Variants in PIF1 observed in about 807,000 individuals in gnomAD.
PIF1 encodes the protein PIF1 5'-to-3' DNA helicase.
A neutral mutation model predicts 62.3 loss-of-function variants in PIF1; 67 were observed. The observed-to-expected ratio is 1.08, with a 90% confidence interval of 0.88 to 1.32. The LOEUF (loss-of-function observed/expected upper bound fraction) is 1.32. PIF1 is among the 40% of genes most tolerant of loss of function. The pLI is 0.00. For missense variants in PIF1, 886 were observed against 866.1 expected, an observed-to-expected ratio of 1.02 and a Z score of -0.29; for synonymous variants, 364 against 379.5, an observed-to-expected ratio of 0.96 and a Z score of 0.47.
At chr15:64,826,672 A>C (rs2084375156), upstream of PIF1, among the ~76,000 whole-genome samples, 1 of 125,260 alleles carries the variant, frequency 8.0e-6, no homozygotes, top group African/African-American at 3.1e-5. Context: ...ATATACACAC[A>C]CACACACATA....
chr15:64,819,756 G>T, intron 8 of PIF1, 91 bp downstream of exon 8: 1 of 1,557,120 alleles, frequency 6.4e-7, no homozygotes, highest in Non-Finnish European at 8.7e-7. Flanking sequence ...GAGGTTGGGG[G>T]CCTAGGACCC....
intron 7 of PIF1, among the ~76,000 whole-genome samples, chr15:64,820,587 G>A (rs539628658): frequency 6.6e-6 from 1 of 152,258 alleles, no homozygotes; most frequent in Non-Finnish European, 1.5e-5. Context: ...AGTAGAGACT[G>A]GGTTTCACCA....
At chr15:64,818,765 A>C in intron 9 of PIF1, 3 of 301,018 alleles carry the variant, frequency 1.0e-5, no homozygotes, top group Non-Finnish European at 1.8e-5. Flanking sequence ...CCCACCCCCA[A>C]CATTGAGGGA....
rs1316779374 is a variant in PIF1 at position 64,821,538 on chromosome 15, C to T, written c.818-18G>A. 6 of 1,555,340 alleles carry T rather than the reference C, an allele frequency of 3.9e-6. No homozygotes were observed. Among genetic ancestry groups the T allele is most frequent in the Non-Finnish European group, 5.2e-6 (6 of 1,150,818 alleles). On this transcript the variant is annotated intron_variant, in intron 4 of 12. Coordinates refer to ENST00000559239, the MANE Select transcript of PIF1 (RefSeq NM_001286496.2). ...GCCGATGCCTGTGAGTGACACTATT[C>T]AGCCTGGGCTAATACCCAAAGCCTC...
At chr15:64,820,713 C>T (rs573620738) in intron 7 of PIF1, among the ~76,000 whole-genome samples, 52 of 152,218 alleles carry the variant, frequency 3.4e-4, no homozygotes, top group African/African-American at 1.3e-3. Flanking sequence ...CTACTTTATG[C>T]CAGGCCTTGT....
intron 1 of PIF1, 122 bp from the exon 2 acceptor site, chr15:64,824,476 C>G (rs896498650): frequency 5.1e-6 from 3 of 584,270 alleles, no homozygotes. Flanking sequence ...CACAAGATCA[C>G]GAGGACTGTC....
Position 64,824,329 on chromosome 15 carries a change from A to G in PIF1, c.7T>C (p.Ser3Pro). The G allele has an allele frequency of 1.6e-6, 2 of 1,252,938 alleles. No individual in the cohort carries two copies. Among genetic ancestry groups the G allele is most frequent in the Non-Finnish European group, 2.0e-6 (2 of 997,604 alleles). The allele number at this position is 1,252,938 out of a possible 1,614,324, so 77.6% of individuals were successfully genotyped here. The change falls in exon 2 of 13, where the codon TCG (serine) becomes CCG (proline). Residue 3 changes from serine (S) to proline (P), a missense_variant. Ser to Pro is a moderately conservative substitution (Grantham distance 74, BLOSUM62 -1). Transcript: ENST00000559239. The stretch of plus-strand genomic sequence containing the variant: ...TCCCCTGCCGCCGCCTCTATGCCCG[A>G]GAGCATCGTCACCGCCTCTGCTGGT... ML[S>P]GIEAAAGEYE...
Position 64,823,914 on chromosome 15 carries a change from C to A in PIF1, c.422G>T (p.Gly141Val). 3 of 1,351,804 alleles carry A rather than the reference C, an allele frequency of 2.2e-6. No individual in the cohort carries two copies. The highest frequency in any genetic ancestry group is 2.9e-6 in the Non-Finnish European group (3 of 1,044,898). The allele number at this position is 1,351,804 out of a possible 1,614,324, so 83.7% of individuals were successfully genotyped here. ...GGTGACGAAGTCGCGGGGCCGCGGG[C>A]CCAGCAGCTGCGCTCGGGCGGAGGC... ...GPASARAQLL[G>V]PRPRDFVTIS... The change falls in exon 2 of 13, where the codon GGC (glycine) becomes GTC (valine). Residue 141 changes from glycine (G) to valine (V), a missense_variant. Physicochemically the swap from Gly to Val is moderately radical, Grantham distance 109. Coordinates refer to ENST00000559239, the MANE Select transcript of PIF1 (RefSeq NM_001286496.2).
chr15:64,820,951 C>A, intron 7 of PIF1, 31 bp downstream of exon 7: 1 of 1,591,232 alleles, frequency 6.3e-7, no homozygotes, highest in Non-Finnish European at 8.6e-7. Context: ...ATCCTCATCC[C>A]ATAGCCCCTT....
rs560763118 is a variant in PIF1 at position 64,819,989 on chromosome 15, G to C, written c.1194-3C>G. 1 of 1,613,052 alleles carries C rather than the reference G, an allele frequency of 6.2e-7. No individual in the cohort carries two copies. Among genetic ancestry groups the C allele is most frequent in the African/African-American group, 1.3e-5 (1 of 74,944 alleles). ...GGCGGGTCACCTCATCTGAACACCT[G>C]TTGGGGCTGGACTGTCAGGGCAGAG... On this transcript the variant is annotated splice_region_variant and splice_polypyrimidine_tract_variant and intron_variant, in intron 7 of 12. Coordinates refer to ENST00000559239, the MANE Select transcript of PIF1 (RefSeq NM_001286496.2).
chr15:64,822,318 G>T lies in PIF1; in HGVS notation c.765C>A (p.Ser255Arg), dbSNP rs1411858680. Residue 255 changes from serine (S) to arginine (R), a missense_variant, in exon 4 of 13, where the codon AGC (serine) becomes AGA (arginine). Transcript: ENST00000559239. ...CGATGTGGCAGGCTGCCACCCCAGT[G>T]CTGGCAGTGGCCACAGTGCCTGTGG... ...LPPTGTVATASTGVAACHIGG... is the reference protein window; with the variant it reads ...LPPTGTVATARTGVAACHIGG... The T allele has an allele frequency of 1.9e-6, 3 of 1,613,712 alleles. No individual in the cohort carries two copies. In the East Asian group the frequency reaches 6.7e-5, roughly 36 times the overall value.
In PIF1 at chr15:64,819,905, G is replaced by A. The variant is rs769057280; in HGVS notation, c.1275C>T (p.Leu425=). 2 of 1,614,134 alleles carry A rather than the reference G, an allele frequency of 1.2e-6. No individual in the cohort carries two copies. ...GGGCCACATCATCCTGGTGGGTGCA[G>A]AGCCTCGTGGCCACAATCCCATCTC... ...VGRDGIVATR[L]CTHQDDVALT... Residue 425 remains leucine, a synonymous_variant, in exon 8 of 13, where the codon CTC becomes CTT. Transcript: ENST00000559239.
At chr15:64,818,154 G>C in intron 10 of PIF1, 63 bp from the exon 11 acceptor site, 1 of 1,611,272 alleles carries the variant, frequency 6.2e-7, no homozygotes, top group East Asian at 2.2e-5. Flanking sequence ...TGAGGAGCAG[G>C]GGCCTTTGGA....
At position 64,815,886 on chromosome 15, in the gene PIF1, C is replaced by G. The variant is rs1186006292; in HGVS notation, c.*412G>C. 1 of 1,550,624 alleles carries G rather than the reference C, an allele frequency of 6.4e-7. No homozygotes were observed. Among genetic ancestry groups the G allele is most frequent in the Non-Finnish European group, 8.7e-7 (1 of 1,146,994 alleles). On this transcript the variant is annotated 3_prime_UTR_variant, in exon 13 of 13. Coordinates refer to ENST00000559239, the MANE Select transcript of PIF1 (RefSeq NM_001286496.2). ...CACCCAGCCTGAGTCCCCACCAGTC[C>G]CCTCCAAGAGCCCTGATGCTGCTTC... is the stretch of plus-strand genomic sequence containing the variant.
chr15:64,818,623 G>T (rs2084232401), intron 9 of PIF1: 1 of 448,278 alleles, frequency 2.2e-6, no homozygotes, highest in African/African-American at 2.0e-5. Context: ...ACAGGGCTTT[G>T]AAAATGATTG....
intron 8 of PIF1, 151 bp downstream of exon 8, chr15:64,819,696 C>T: frequency 1.9e-6 from 2 of 1,028,462 alleles, no homozygotes; most frequent in Admixed American, 4.9e-5. Flanking sequence ...TTCATCACAC[C>T]TCTCAAAGTC....
intron 4 of PIF1, 37 bp downstream of exon 4, chr15:64,822,229 C>A (rs1436180021): frequency 6.3e-7 from 1 of 1,588,684 alleles, no homozygotes; most frequent in Non-Finnish European, 8.5e-7. Context: ...AGAAGCTGGG[C>A]TTGCTCTTAG....
In PIF1 at chr15:64,823,941, G is replaced by C; in HGVS notation, c.395C>G (p.Pro132Arg). Residue 132 changes from proline (P) to arginine (R), a missense_variant, in exon 2 of 13, where the codon CCG becomes CGG. Transcript: ENST00000559239. Reference protein sequence around the residue: ...LKLAAAPGPGPASARAQLLGP... With the variant: ...LKLAAAPGPGRASARAQLLGP... ...CAGCAGCTGCGCTCGGGCGGAGGCCGGCCCGGGACCCGGGGCCGCAGCCAG... is the reference window on the plus strand; with the variant it reads ...CAGCAGCTGCGCTCGGGCGGAGGCCCGCCCGGGACCCGGGGCCGCAGCCAG... 2 of 1,313,330 alleles carry C rather than the reference G, an allele frequency of 1.5e-6. No homozygotes were observed. The highest frequency in any genetic ancestry group is 1.9e-6 in the Non-Finnish European group (2 of 1,027,190). 81.4% of individuals were successfully genotyped at this position (1,313,330 alleles called of 1,614,324 possible).
In PIF1 at chr15:64,824,152, G is replaced by A; in HGVS notation, c.184C>T (p.Pro62Ser). Residue 62 changes from proline to serine, a missense_variant, in exon 2 of 13, where the codon CCC becomes TCC. Physicochemically the swap from Pro to Ser is moderately conservative, Grantham distance 74. Coordinates refer to ENST00000559239, the MANE Select transcript of PIF1 (RefSeq NM_001286496.2). ...ELMLRLQAPG[P>S]AGRPRCFPLR... is the part of the protein sequence containing the mutation. Reference sequence around the variant, plus strand: ...GGAAAGCAGCGCGGCCGCCCCGCGGGCCCTGGCGCTTGCAGCCGCAGCATC... The same window carrying A: ...GGAAAGCAGCGCGGCCGCCCCGCGGACCCTGGCGCTTGCAGCCGCAGCATC... 7.7e-7 allele frequency: 1 copy of A among 1,303,766 alleles called. No homozygotes were observed. Among genetic ancestry groups the A allele is most frequent in the East Asian group, 3.1e-5 (1 of 32,030 alleles). 80.8% of individuals were successfully genotyped at this position (1,303,766 alleles called of 1,614,324 possible).
Sources: allele counts gnomAD v4.1 joint callset (sites outside exome capture counted in the v4.1 genomes callset), GRCh38; gene constraint gnomAD v4.1.1; transcripts MANE v1.5; gene names NCBI Gene and HGNC (gene_info 2026-07-23, HGNC 2026-07-21).